The following CFAP221 variants were observed in gnomAD, a reference collection of about 807,000 sequenced individuals.
The protein encoded by CFAP221 is cilia- and flagella-associated protein 221.
In CFAP221, 97 loss-of-function variants were observed where a neutral mutation model predicts 113.1. That is an observed-to-expected ratio of 0.86 (90% CI 0.73 to 1.02). CFAP221 has a LOEUF of 1.02. Ranked by LOEUF, CFAP221 falls within the 50% of genes least tolerant of loss-of-function variation. The pLI, the probability that CFAP221 is intolerant of heterozygous loss-of-function variation, is 0.00. For missense variants in CFAP221, 1,025 were observed against 1,013.4 expected (o/e 1.01, Z -0.16); for synonymous variants, 331 against 354.4 (o/e 0.93, Z 0.74).
At chr2:119,637,624 G>A (rs1184571043) in intron 19 of CFAP221, among the ~76,000 whole-genome samples, 2 of 152,016 alleles carry the variant, frequency 1.3e-5, no homozygotes, top group Non-Finnish European at 2.9e-5. Flanking sequence ...ACGAGCCTCT[G>A]AGAGAACAGT....
intron 21 of CFAP221, among the ~76,000 whole-genome samples, chr2:119,644,357 G>T (rs1322796699): frequency 6.6e-6 from 1 of 152,120 alleles, no homozygotes; most frequent in Non-Finnish European, 1.5e-5. Context: ...CCATTCCATT[G>T]TGCTAGACCA....
chr2:119,606,974 AC>A (rs1684815296), intron 11 of CFAP221, among the ~76,000 whole-genome samples: 1 of 152,042 alleles, frequency 6.6e-6, no homozygotes, highest in South Asian at 2.1e-4. Context: ...AGGAAGCTTC[AC>A]CCCAAAATAC....
chr2:119,643,529 T>G (rs1191348313), intron 21 of CFAP221, among the ~76,000 whole-genome samples: 2 of 152,166 alleles, frequency 1.3e-5, no homozygotes, highest in Admixed American at 6.5e-5. Context: ...TTTTACTTTG[T>G]CAAGTAAGGA....
intron 7 of CFAP221, among the ~76,000 whole-genome samples, chr2:119,600,614 G>A (rs1684296629): frequency 6.6e-6 from 1 of 152,194 alleles, no homozygotes; most frequent in African/African-American, 2.4e-5. Flanking sequence ...TAATGAAAAA[G>A]CTACATAAGG....
At chr2:119,550,436 G>A (rs1017805445) in intron 3 of CFAP221, among the ~76,000 whole-genome samples, 1 of 152,146 alleles carries the variant, frequency 6.6e-6, no homozygotes, top group African/African-American at 2.4e-5. Flanking sequence ...AGGGGAACCT[G>A]TTAGGTGCCA....
intron 23 of CFAP221, among the ~76,000 whole-genome samples, chr2:119,653,509 A>G (rs999138716): frequency 2.0e-5 from 3 of 152,234 alleles, no homozygotes; most frequent in African/African-American, 7.2e-5. Context: ...AAATATACAT[A>G]TGAATTATTA....
rs550995778 is a variant in CFAP221 at position 119,604,221 on chromosome 2, G to T, written c.792-451G>T. On this transcript the variant is annotated intron_variant, in intron 8 of 23. Coordinates refer to ENST00000413369, the MANE Select transcript of CFAP221 (RefSeq NM_001271049.2). The stretch of plus-strand genomic sequence containing the variant: ...GAGGCAGAGGCTGGTGGATCACAAG[G>T]TCAAGAGATCGAGACCATCCTGGCC... Among the ~76,000 whole-genome samples the T allele has an allele frequency of 4.6e-5, 7 of 152,178 alleles. No homozygotes were observed. In the East Asian group the frequency reaches 1.4e-3, roughly 29 times the overall value.
chr2:119,625,350 C>G (rs903538014), intron 14 of CFAP221, among the ~76,000 whole-genome samples: 5 of 152,144 alleles, frequency 3.3e-5, no homozygotes, highest in Non-Finnish European at 7.4e-5. Context: ...TTGAGTGGGA[C>G]AAGGCCAGAT....
chr2:119,584,587 A>C (rs1200465084), intron 6 of CFAP221, among the ~76,000 whole-genome samples: 1 of 131,208 alleles, frequency 7.6e-6, no homozygotes, highest in Admixed American at 7.2e-5. Flanking sequence ...ACTGTGTCTC[A>C]AAAAAAAAAA....
At chr2:119,553,206 G>A (rs1680551022) in intron 3 of CFAP221, among the ~76,000 whole-genome samples, 2 of 152,222 alleles carry the variant, frequency 1.3e-5, no homozygotes, top group Non-Finnish European at 2.9e-5. Flanking sequence ...GAGGCGTGTG[G>A]AGGAGAGGCC....
chr2:119,607,828 A>G (rs1463917320), intron 11 of CFAP221, among the ~76,000 whole-genome samples: 2 of 152,222 alleles, frequency 1.3e-5, no homozygotes, highest in African/African-American at 2.4e-5. Context: ...ACATCATAAC[A>G]TGTGTTAGTA....
chr2:119,634,805 A>C (rs1687012335), intron 19 of CFAP221, among the ~76,000 whole-genome samples: 1 of 152,226 alleles, frequency 6.6e-6, no homozygotes, highest in Non-Finnish European at 1.5e-5. Flanking sequence ...GATGGTTATC[A>C]GAGGCTGAGA....
intron 6 of CFAP221, among the ~76,000 whole-genome samples, chr2:119,584,394 C>T (rs983882412): frequency 2.0e-5 from 3 of 152,068 alleles, no homozygotes; most frequent in Non-Finnish European, 4.4e-5. Context: ...CGAGACAAGC[C>T]TGGGCAACAT....
rs1274374433 is a variant in CFAP221, at chr2:119,562,096, A to AT, written c.510dup (p.Val171CysfsTer5). 6 of 1,533,678 alleles carry AT rather than the reference A, an allele frequency of 3.9e-6. No homozygotes were observed. Among genetic ancestry groups the AT allele is most frequent in the African/African-American group, 1.4e-5 (1 of 72,954 alleles). On this transcript the variant is annotated frameshift_variant, in exon 6 of 24. Coordinates refer to ENST00000413369, the MANE Select transcript of CFAP221 (RefSeq NM_001271049.2). LOFTEE classifies it high-confidence loss of function. ...TTTCCTTCATTTATAAATCTGTCAA[A>AT]TGTTCTACTTGGTGAAAGGTGAGTT...
rs116532746 is a variant in CFAP221 at position 119,606,528 on chromosome 2, C to T, written c.1133+1239C>T. Among the ~76,000 whole-genome samples, 1,431 of 152,192 alleles carry T rather than the reference C, an allele frequency of 9.4e-3. 25 individuals are homozygous for T. The highest frequency in any genetic ancestry group is 0.033 in the African/African-American group (1,357 of 41,512). On this transcript the variant is annotated intron_variant, in intron 11 of 23. Transcript: ENST00000413369. ...ATAGTTATGGTCCCGCCTCAGTTAA[C>T]GGGAAGTACTCCAAGGAACTGAAAA...
intron 18 of CFAP221, 31 bp from the exon 19 acceptor site, chr2:119,630,736 A>G: frequency 6.2e-7 from 1 of 1,608,100 alleles, no homozygotes; most frequent in Non-Finnish European, 8.5e-7. Flanking sequence ...CCTGGCATCA[A>G]AACTAACGTG....
intron 6 of CFAP221, among the ~76,000 whole-genome samples, chr2:119,571,954 G>C (rs1277681388): frequency 7.0e-6 from 1 of 142,822 alleles, no homozygotes; most frequent in Non-Finnish European, 1.5e-5. Context: ...TTACTTTGGG[G>C]TTGCCCCTTA....
intron 6 of CFAP221, among the ~76,000 whole-genome samples, chr2:119,574,469 G>C (rs1418254008): frequency 6.6e-6 from 1 of 152,180 alleles, no homozygotes; most frequent in African/African-American, 2.4e-5. Flanking sequence ...ATAACATAGG[G>C]AATTTCAGAG....
rs368725974 is a variant in CFAP221 at position 119,604,804 on chromosome 2, C to T, written c.912+12C>T. ...CTCAGAAGGTGAAGGTACGGTGGGCCTTGTCCTTGGTGCGATGAAAGGGTG... is the reference window on the plus strand; with the variant it reads ...CTCAGAAGGTGAAGGTACGGTGGGCTTTGTCCTTGGTGCGATGAAAGGGTG... On this transcript the variant is annotated intron_variant, in intron 9 of 23. Transcript: ENST00000413369. 4.7e-5 allele frequency: 74 copies of T among 1,588,658 alleles called. No individual in the cohort carries two copies. The Middle Eastern group carries it at 5.0e-4, about 11-fold the overall frequency.
Sources: gnomAD v4.1 joint callset for allele counts (sites outside exome capture counted in the v4.1 genomes callset) on GRCh38, gnomAD v4.1.1 for gene constraint, MANE v1.5 for transcripts, NCBI Gene and HGNC (gene_info 2026-07-23, HGNC 2026-07-21) for gene names.